The following CDKN3 variants were observed in gnomAD, a reference collection of about 807,000 sequenced individuals.
The protein encoded by CDKN3 is cyclin-dependent kinase inhibitor 3.
Under a neutral mutation model 36.1 loss-of-function variants are expected in CDKN3, and 19 were observed. The ratio of observed to expected loss-of-function variants is 0.53; its 90% confidence interval spans 0.37 to 0.77. The LOEUF is 0.77. Ranked by LOEUF, CDKN3 falls within the 30% of genes least tolerant of loss-of-function variation. CDKN3 has a pLI of 0.00. For synonymous variants in CDKN3, 71 were observed against 85.3 expected (o/e 0.83, Z 0.92); for missense variants, 188 against 248.6 (o/e 0.76, Z 1.64).
chr14:54,401,287 A>C (rs2139967228), intron 2 of CDKN3, among the ~76,000 whole-genome samples: 1 of 152,268 alleles, frequency 6.6e-6, no homozygotes, highest in South Asian at 2.1e-4. Context: ...CTAACTTGTC[A>C]TTTTTAAGAC....
At chr14:54,400,118 C>A in intron 2 of CDKN3, 142 bp downstream of exon 2, 1 of 596,832 alleles carries the variant, frequency 1.7e-6, no homozygotes. Context: ...TTATATAATT[C>A]TAATCATTAA....
chr14:54,416,092 T>G (rs994591173), intron 6 of CDKN3, among the ~76,000 whole-genome samples, 162 bp downstream of exon 6: 1 of 152,174 alleles, frequency 6.6e-6, no homozygotes, highest in African/African-American at 2.4e-5. Flanking sequence ...CCTGGAAAGC[T>G]TGGGTGGGAG....
chr14:54,404,207 T>C (rs2030064502), intron 3 of CDKN3, among the ~76,000 whole-genome samples: 1 of 152,200 alleles, frequency 6.6e-6, no homozygotes, highest in African/African-American at 2.4e-5. Flanking sequence ...ACTGCCTCAG[T>C]TTCAGAACTT....
Position 54,404,732 on chromosome 14 carries a change from A to G in CDKN3, c.148+3153A>G, listed in dbSNP as rs1182742338. On this transcript the variant is annotated intron_variant, in intron 3 of 7. Transcript: ENST00000335183. ...TGGGACTACAGGCACCCACCACCAC[A>G]CCCAGCTAATTTTTTTGTATTTTTA... 3.3e-5 allele frequency among the ~76,000 whole-genome samples: 5 copies of G among 151,750 alleles called. No individual in the cohort carries two copies. The East Asian group carries it at 9.7e-4, about 29-fold the overall frequency.
intron 3 of CDKN3, among the ~76,000 whole-genome samples, chr14:54,405,719 G>A (rs994390715): frequency 1.3e-5 from 2 of 151,484 alleles, no homozygotes; most frequent in African/African-American, 4.9e-5. Context: ...CCTTTATTTT[G>A]AGCCTATGTG....
In CDKN3 at chr14:54,401,582, G is replaced by A; in HGVS notation, c.148+3G>A. On this transcript the variant is annotated splice_donor_region_variant and intron_variant, in intron 3 of 7. Coordinates refer to ENST00000335183, the MANE Select transcript of CDKN3 (RefSeq NM_005192.4). ...TCTCGGTTTATGTGCTCTTCCAGGT[G>A]GGTAACACAATAATGGGCTTCCTAT... 2 of 1,593,324 alleles carry A rather than the reference G, an allele frequency of 1.3e-6. No homozygotes were observed. Among genetic ancestry groups the A allele is most frequent in the East Asian group, 2.2e-5 (1 of 44,566 alleles).
At chr14:54,406,616 C>T (rs948400853) in intron 3 of CDKN3, among the ~76,000 whole-genome samples, 3 of 151,748 alleles carry the variant, frequency 2.0e-5, no homozygotes, top group African/African-American at 7.3e-5. Flanking sequence ...ATCCTTTCTT[C>T]TGCTTGATCG....
intron 3 of CDKN3, among the ~76,000 whole-genome samples, chr14:54,406,726 GT>G (rs138989019): frequency 0.11 from 16,170 of 151,838 alleles, 1,175 homozygotes; most frequent in Non-Finnish European, 0.16. Flanking sequence ...GGTTATTATA[GT>G]TAGCAGTTCC....
In CDKN3 at chr14:54,420,101, T is replaced by A. The variant is rs755608780; in HGVS notation, c.*23T>A. 7.7e-7 allele frequency: 1 copy of A among 1,301,028 alleles called. No individual in the cohort carries two copies. The highest frequency in any genetic ancestry group is 1.1e-6 in the Non-Finnish European group (1 of 901,168). The allele number at this position is 1,301,028 out of a possible 1,614,324, so 80.6% of individuals were successfully genotyped here. A position where few individuals can be genotyped will look rare whatever the true frequency, so the allele number is the denominator to read the frequency against. On this transcript the variant is annotated 3_prime_UTR_variant, in exon 8 of 8. Coordinates refer to ENST00000335183, the MANE Select transcript of CDKN3 (RefSeq NM_005192.4). ...TAAAGGAATTCAAATAGCATATATA[T>A]GACCATGTCTGAAATGTCAGTTCTC...
intron 4 of CDKN3, 76 bp from the exon 5 acceptor site, chr14:54,411,408 A>C (rs972936868): frequency 1.8e-6 from 2 of 1,124,754 alleles, no homozygotes; most frequent in Admixed American, 2.2e-5. Context: ...TTAATTTCAT[A>C]TTCTCCCTCT....
At chr14:54,410,563 A>G (rs1271301197) in intron 4 of CDKN3, among the ~76,000 whole-genome samples, 1 of 152,246 alleles carries the variant, frequency 6.6e-6, no homozygotes, top group African/African-American at 2.4e-5. Context: ...GCTAGGTCAC[A>G]GAAGTTTAAT....
intron 2 of CDKN3, among the ~76,000 whole-genome samples, chr14:54,400,288 G>A (rs537142138): frequency 1.4e-5 from 2 of 146,382 alleles, no homozygotes; most frequent in African/African-American, 5.0e-5. Flanking sequence ...GTAGAAGGAA[G>A]TAAGTAGGAA....
chr14:54,399,443 T>C (rs1311803969), intron 1 of CDKN3, among the ~76,000 whole-genome samples: 4 of 152,356 alleles, frequency 2.6e-5, no homozygotes, highest in Admixed American at 6.5e-5. Flanking sequence ...CTTTCTTCTG[T>C]AATCTATGCA....
At chr14:54,398,705 T>C (rs1886388802) in intron 1 of CDKN3, among the ~76,000 whole-genome samples, 1 of 152,252 alleles carries the variant, frequency 6.6e-6, no homozygotes, top group Admixed American at 6.5e-5. Context: ...ACAAGGAGTG[T>C]AGAAGTCTTC....
intron 3 of CDKN3, among the ~76,000 whole-genome samples, chr14:54,407,222 G>A (rs908819549): frequency 1.3e-5 from 2 of 152,152 alleles, no homozygotes; most frequent in African/African-American, 2.4e-5. Flanking sequence ...TGGAAGTTTC[G>A]TCCCAGAGGG....
At chr14:54,401,402 G>A (rs925574667) in intron 2 of CDKN3, 122 bp from the exon 3 acceptor site, 1 of 583,788 alleles carries the variant, frequency 1.7e-6, no homozygotes, top group Non-Finnish European at 3.1e-6. Flanking sequence ...CTTACTTTGT[G>A]ACTACTGTAA....
chr14:54,400,066 T>C lies in CDKN3; in HGVS notation c.92+90T>C. On this transcript the variant is annotated intron_variant, in intron 2 of 7. Transcript: ENST00000335183. ...GTTACATCATAATCTTAGTAGAATGTAGTTCACATATTGAAAATGTTAAGG... is the reference window on the plus strand; with the variant it reads ...GTTACATCATAATCTTAGTAGAATGCAGTTCACATATTGAAAATGTTAAGG... 8.3e-6 allele frequency: 6 copies of C among 719,358 alleles called. No individual in the cohort carries two copies. In the South Asian group the frequency reaches 9.2e-5, roughly 11 times the overall value. The allele number at this position is 719,358 out of a possible 1,614,324, so 44.6% of individuals were successfully genotyped here. A position where few individuals can be genotyped will look rare whatever the true frequency, so the allele number is the denominator to read the frequency against.
chr14:54,401,224 T>C (rs1004825922), intron 2 of CDKN3, among the ~76,000 whole-genome samples: 1 of 151,402 alleles, frequency 6.6e-6, no homozygotes, highest in African/African-American at 2.5e-5. Flanking sequence ...ACAGCCTGCC[T>C]GCCTTGGCCT....
Position 54,397,065 on chromosome 14 carries a change from A to AGCGATGAAG in CDKN3, c.-3_6dup. 4 of 1,501,168 alleles carry AGCGATGAAG rather than the reference A, an allele frequency of 2.7e-6. No homozygotes were observed. Among genetic ancestry groups the AGCGATGAAG allele is most frequent in the Non-Finnish European group, 3.6e-6 (4 of 1,122,076 alleles). The allele number at this position is 1,501,168 out of a possible 1,614,324, so 93.0% of individuals were successfully genotyped here. On this transcript the variant is annotated 5_prime_UTR_variant, in exon 1 of 8. It adds an upstream start codon to the 5' untranslated region. Transcript: ENST00000335183. ...GCACTGGTCTCGACGTGGGGCGGCC[A>AGCGATGAAG]GCGATGAAGCCGGTGAGTCGGACGT...
Sources: gnomAD v4.1 joint callset for allele counts (sites outside exome capture counted in the v4.1 genomes callset) on GRCh38, gnomAD v4.1.1 for gene constraint, MANE v1.5 for transcripts, NCBI Gene and HGNC (gene_info 2026-07-23, HGNC 2026-07-21) for gene names.